Variants in DIPK1A observed in about 807,000 individuals in gnomAD.
The protein encoded by DIPK1A is divergent protein kinase domain 1A.
Under a neutral mutation model 40.8 loss-of-function variants are expected in DIPK1A, and 27 were observed. That is an observed-to-expected ratio of 0.66 (90% CI 0.49 to 0.91). The LOEUF (loss-of-function observed/expected upper bound fraction) is 0.91, where lower values mean the gene tolerates loss of function less well. Among genes scored for constraint, DIPK1A ranks in the 40% least tolerant of loss-of-function variants. The pLI is 0.00. For missense variants in DIPK1A, 412 were observed against 505.7 expected (o/e 0.81, Z 1.78); for synonymous variants, 166 against 171.3 (o/e 0.97, Z 0.24).
intron 1 of DIPK1A, among the ~76,000 whole-genome samples, chr1:92,910,830 G>C (rs1238595514): frequency 6.6e-6 from 1 of 151,924 alleles, no homozygotes; most frequent in Non-Finnish European, 1.5e-5. Context: ...CTCTTGTCAG[G>C]GGGGTGTAGG....
chr1:92,871,559 A>C (rs932800709), intron 2 of DIPK1A, among the ~76,000 whole-genome samples: 46 of 152,330 alleles, frequency 3.0e-4, no homozygotes, highest in African/African-American at 1.1e-3. Context: ...AATAATATGC[A>C]TCCTTGAATT....
chr1:92,858,746 T>G (rs1688069730), intron 2 of DIPK1A, among the ~76,000 whole-genome samples: 1 of 152,204 alleles, frequency 6.6e-6, no homozygotes, highest in South Asian at 2.1e-4. Context: ...ACTTGTGGCT[T>G]ACATCAAAAA....
At chr1:92,921,263 CTG>C (rs1650258332) in intron 1 of DIPK1A, among the ~76,000 whole-genome samples, 1 of 152,066 alleles carries the variant, frequency 6.6e-6, no homozygotes, top group Non-Finnish European at 1.5e-5. Context: ...GAGTTTATAA[CTG>C]TATTGAGAAA....
chr1:92,922,358 G>A lies in DIPK1A; in HGVS notation c.54+39018C>T, dbSNP rs528779180. Reference sequence around the variant, plus strand: ...CTTTTTTTTTTAGCATTATTGTACTGTAATCTTATTTAATTGAACTTCTGG... The same window carrying A: ...CTTTTTTTTTTAGCATTATTGTACTATAATCTTATTTAATTGAACTTCTGG... On this transcript the variant is annotated intron_variant, in intron 1 of 4. Transcript: ENST00000370310. Among the ~76,000 whole-genome samples the A allele has an allele frequency of 7.6e-5, 10 of 130,730 alleles. No homozygotes were observed. In the East Asian group the frequency reaches 1.6e-3, roughly 21 times the overall value. 85.8% of individuals were successfully genotyped at this position (130,730 alleles called of 152,430 possible). A position where few individuals can be genotyped will look rare whatever the true frequency, so the allele number is the denominator to read the frequency against.
chr1:92,841,400 A>C (rs1687357742), downstream of DIPK1A, among the ~76,000 whole-genome samples: 1 of 152,184 alleles, frequency 6.6e-6, no homozygotes. Context: ...TGTATACCAC[A>C]TTTCCTTTAT....
intron 1 of DIPK1A, among the ~76,000 whole-genome samples, chr1:92,882,865 ACAGACT>A (rs904809149): frequency 6.6e-6 from 1 of 152,242 alleles, no homozygotes; most frequent in African/African-American, 2.4e-5. Context: ...CCTGAAAATC[ACAGACT>A]TAGAATGTTT....
At position 92,843,028 on chromosome 1, in the gene DIPK1A, C is replaced by T; in HGVS notation, c.*355G>A. On this transcript the variant is annotated 3_prime_UTR_variant, in exon 5 of 5. Transcript: ENST00000370310. The stretch of plus-strand genomic sequence containing the variant: ...TGTTGAACAGCAGCTTCAATGCAAA[C>T]ACAATGCTTCCAGCATTGGTATTTT... The T allele has an allele frequency of 1.0e-6, 1 of 1,000,430 alleles. No individual in the cohort carries two copies. The highest frequency in any genetic ancestry group is 1.2e-6 in the Non-Finnish European group (1 of 840,074). 62.0% of individuals were successfully genotyped at this position (1,000,430 alleles called of 1,614,324 possible). A position where few individuals can be genotyped will look rare whatever the true frequency, so the allele number is the denominator to read the frequency against.
intron 1 of DIPK1A, among the ~76,000 whole-genome samples, chr1:92,936,542 T>C (rs1650952915): frequency 6.6e-6 from 1 of 151,464 alleles, no homozygotes; most frequent in South Asian, 2.1e-4. Context: ...GGCAGAAGAA[T>C]TGCTTGAACC....
intron 1 of DIPK1A, among the ~76,000 whole-genome samples, chr1:92,949,906 T>G (rs1167962487): frequency 6.6e-6 from 1 of 152,218 alleles, no homozygotes; most frequent in East Asian, 1.9e-4. Flanking sequence ...AACAAATATT[T>G]TTTCCTCATC....
At chr1:92,903,041 A>G (rs1649479181) in intron 1 of DIPK1A, among the ~76,000 whole-genome samples, 1 of 152,036 alleles carries the variant, frequency 6.6e-6, no homozygotes, top group African/African-American at 2.4e-5. Context: ...CTGAAACATA[A>G]TGTTACACTG....
intron 2 of DIPK1A, among the ~76,000 whole-genome samples, chr1:92,865,451 T>A (rs546348644): frequency 3.3e-5 from 5 of 151,902 alleles, no homozygotes; most frequent in Non-Finnish European, 7.4e-5. Flanking sequence ...AAAAAAAAAA[T>A]GGATTTTTCC....
chr1:92,846,819 A>G (rs375914745), intron 4 of DIPK1A, among the ~76,000 whole-genome samples: 1,344 of 3,896 alleles, frequency 0.34, 321 homozygotes, highest in East Asian at 0.86. Context: ...ATATATATAT[A>G]TATATATATA....
chr1:92,880,857 G>A (rs1288411478), intron 1 of DIPK1A, among the ~76,000 whole-genome samples: 2 of 149,968 alleles, frequency 1.3e-5, no homozygotes, highest in Non-Finnish European at 1.5e-5. Context: ...GCAACAGAGC[G>A]AGACTCCGTC....
At chr1:92,889,563 C>T (rs561911110) in intron 1 of DIPK1A, among the ~76,000 whole-genome samples, 23 of 152,028 alleles carry the variant, frequency 1.5e-4, no homozygotes, top group African/African-American at 4.8e-4. Flanking sequence ...AGGGATTGCA[C>T]AGAATCTGTA....
intron 1 of DIPK1A, among the ~76,000 whole-genome samples, chr1:92,918,543 T>C (rs1209048098): frequency 6.6e-6 from 1 of 152,208 alleles, no homozygotes; most frequent in Non-Finnish European, 1.5e-5. Flanking sequence ...CTCAGTTAGC[T>C]CTTATGGAAC....
chr1:92,891,895 G>A (rs1648902008), intron 1 of DIPK1A, among the ~76,000 whole-genome samples: 1 of 152,204 alleles, frequency 6.6e-6, no homozygotes, highest in African/African-American at 2.4e-5. Context: ...TACGCCCATG[G>A]AGCCTCGCTC....
At chr1:92,914,795 G>C (rs1325053223) in intron 1 of DIPK1A, among the ~76,000 whole-genome samples, 2 of 148,026 alleles carry the variant, frequency 1.4e-5, no homozygotes, top group Non-Finnish European at 3.0e-5. Flanking sequence ...AAAGGAAGTA[G>C]GCACTTAGGG....
At chr1:92,928,726 C>T (rs1409241420) in intron 1 of DIPK1A, among the ~76,000 whole-genome samples, 2 of 152,158 alleles carry the variant, frequency 1.3e-5, no homozygotes, top group Non-Finnish European at 2.9e-5. Context: ...CTTTGTAAGG[C>T]CAAGGTGGGC....
chr1:92,913,994 C>G (rs1481689641), intron 1 of DIPK1A, among the ~76,000 whole-genome samples: 1 of 152,036 alleles, frequency 6.6e-6, no homozygotes, highest in Non-Finnish European at 1.5e-5. Flanking sequence ...CAAAGAAAAT[C>G]AGTGAAATGA....
Sources: gnomAD v4.1 joint callset for allele counts (sites outside exome capture counted in the v4.1 genomes callset) on GRCh38, gnomAD v4.1.1 for gene constraint, MANE v1.5 for transcripts, NCBI Gene and HGNC (gene_info 2026-07-23, HGNC 2026-07-21) for gene names.